Variants in DYRK1A observed in about 807,000 individuals in gnomAD.
DYRK1A encodes dual specificity tyrosine phosphorylation regulated kinase 1A, also known as dual specificity tyrosine-phosphorylation-regulated kinase 1A.
In DYRK1A, 9 loss-of-function variants were observed where a neutral mutation model predicts 79.7. The ratio of observed to expected loss-of-function variants is 0.11; its 90% CI spans 0.07 to 0.20. DYRK1A has a LOEUF of 0.20. DYRK1A is among the 10% of genes least tolerant of loss of function. The probability of loss-of-function intolerance (pLI) is 1.00; values close to 1 mark genes in which losing one functional copy is unlikely to be tolerated. For synonymous variants in DYRK1A, 349 were observed against 329.7 expected (o/e 1.06, Z -0.63); for missense variants, 622 against 956.0 (o/e 0.65, Z 4.61).
At chr21:37,454,010 C>T (rs971155938) in intron 2 of DYRK1A, among the ~76,000 whole-genome samples, 26 of 150,858 alleles carry the variant, frequency 1.7e-4, no homozygotes, top group African/African-American at 5.9e-4. Flanking sequence ...ATTTTCCCCA[C>T]TGTTGTCCCT....
chr21:37,432,756 A>T (rs1174162610), intron 2 of DYRK1A, among the ~76,000 whole-genome samples: 1 of 151,890 alleles, frequency 6.6e-6, no homozygotes, highest in African/African-American at 2.4e-5. Context: ...AACTGCAGAT[A>T]AAAAAAAGTT....
rs1602419140 is a variant in DYRK1A, at chr21:37,406,125, T to A, written c.-76-14174T>A. 3.9e-5 allele frequency among the ~76,000 whole-genome samples: 6 copies of A among 152,236 alleles called. No homozygotes were observed. In the South Asian group the frequency reaches 1.2e-3, roughly 32 times the overall value. The stretch of plus-strand genomic sequence containing the variant: ...TGTGGCTACATCCAGTTGTAATTGT[T>A]CAGTACAACACATCAGGTGTTTGAA... On this transcript the variant is annotated intron_variant, in intron 1 of 11. Coordinates refer to ENST00000647188, the MANE Select transcript of DYRK1A (RefSeq NM_001347721.2).
chr21:37,493,710 A>T (rs1484018722), intron 8 of DYRK1A, among the ~76,000 whole-genome samples: 2 of 152,152 alleles, frequency 1.3e-5, no homozygotes, highest in Non-Finnish European at 2.9e-5. Context: ...ACAGGCCTTA[A>T]CTTCCCTGCA....
chr21:37,479,619 G>GTTTTTTTTTTTTTTTTTTGTTTTTTTTT (rs565080496), intron 4 of DYRK1A, among the ~76,000 whole-genome samples: 1 of 73,898 alleles, frequency 1.4e-5, no homozygotes. Context: ...TTTGTTTTTT[G>GTTTTTTTTTTTTTTTTTTGTTTTTTTTT]TTTTTTTTTT....
At chr21:37,401,824 A>C (rs1569294080) in intron 1 of DYRK1A, among the ~76,000 whole-genome samples, 2 of 152,112 alleles carry the variant, frequency 1.3e-5, no homozygotes, top group Non-Finnish European at 1.5e-5. Context: ...TCTCTTTTGT[A>C]ATGAAAGGTT....
intron 2 of DYRK1A, among the ~76,000 whole-genome samples, chr21:37,440,557 G>C (rs567238597): frequency 4.6e-5 from 7 of 152,234 alleles, no homozygotes; most frequent in Admixed American, 3.3e-4. Context: ...TGTCTTAGCT[G>C]TATCAAAAAT....
At chr21:37,385,598 G>A (rs1310622994) in intron 1 of DYRK1A, among the ~76,000 whole-genome samples, 1 of 152,162 alleles carries the variant, frequency 6.6e-6, no homozygotes, top group Admixed American at 6.5e-5. Flanking sequence ...ACAAGTCACA[G>A]GTACTGCCCA....
At chr21:37,448,080 G>A (rs1053361101) in intron 2 of DYRK1A, among the ~76,000 whole-genome samples, 2 of 152,042 alleles carry the variant, frequency 1.3e-5, no homozygotes, top group Non-Finnish European at 2.9e-5. Context: ...CTATATTTTA[G>A]ACCATCTTTT....
chr21:37,518,584 G>T lies in DYRK1A; in HGVS notation c.*6053G>T, dbSNP rs551453802. ...AGGACTCTGGCAAGAAGAGGCGTGT[G>T]GCTAATATGACGGAAGTCTGAATCC... On this transcript the variant is annotated 3_prime_UTR_variant, in exon 12 of 12. Transcript: ENST00000647188. The T allele has an allele frequency of 6.6e-6, 1 of 151,840 alleles. No individual in the cohort carries two copies. The highest frequency in any genetic ancestry group is 1.5e-5 in the Non-Finnish European group (1 of 68,024). The allele number at this position is 151,840 out of a possible 1,614,324, so 9.4% of individuals were successfully genotyped here. A position where few individuals can be genotyped will look rare whatever the true frequency, so the allele number is the denominator to read the frequency against.
rs142411533 is a variant in DYRK1A, at chr21:37,413,512, C to G, written c.-76-6787C>G. On this transcript the variant is annotated intron_variant, in intron 1 of 11. Coordinates refer to ENST00000647188, the MANE Select transcript of DYRK1A (RefSeq NM_001347721.2). ...AGCAAGGCAGTTTTCCAGTGCATTT[C>G]TTATAAGCTAGTTATGAGAAGGGCT... Among the ~76,000 whole-genome samples, 3 of 152,238 alleles carry G rather than the reference C, an allele frequency of 2.0e-5. No homozygotes were observed. In the East Asian group the frequency reaches 5.8e-4, roughly 29 times the overall value.
chr21:37,480,547 T>C, intron 4 of DYRK1A, 91 bp from the exon 5 acceptor site: 1 of 1,002,248 alleles, frequency 1.0e-6, no homozygotes, highest in South Asian at 2.1e-5. Context: ...ATGTCAACTG[T>C]AGAAAATAGG....
At chr21:37,415,984 G>T (rs1485763239) in intron 1 of DYRK1A, among the ~76,000 whole-genome samples, 1 of 152,064 alleles carries the variant, frequency 6.6e-6, no homozygotes, top group African/African-American at 2.4e-5. Flanking sequence ...ACACTTGGGG[G>T]TTCTTGCATC....
rs73398096 is a variant in DYRK1A, at chr21:37,457,391, G to A, written c.11-15293G>A. 4.5e-3 allele frequency among the ~76,000 whole-genome samples: 687 copies of A among 152,114 alleles called. 3 individuals are homozygous for A. Among genetic ancestry groups the A allele is most frequent in the African/African-American group, 0.016 (644 of 41,498 alleles). On this transcript the variant is annotated intron_variant, in intron 2 of 11. Coordinates refer to ENST00000647188, the MANE Select transcript of DYRK1A (RefSeq NM_001347721.2). ...ACCACAGGCGTGTACCACCATGATC[G>A]CCTAATTGTGTGTGTGTGTGTGTTT...
chr21:37,482,306 C>T (rs946414487), intron 5 of DYRK1A, among the ~76,000 whole-genome samples: 6 of 152,048 alleles, frequency 3.9e-5, no homozygotes, highest in African/African-American at 1.5e-4. Flanking sequence ...TTTCCCTAAG[C>T]GTCGGCCGGT....
At chr21:37,416,810 T>G (rs1203185110) in intron 1 of DYRK1A, among the ~76,000 whole-genome samples, 3 of 152,084 alleles carry the variant, frequency 2.0e-5, no homozygotes, top group Non-Finnish European at 4.4e-5. Flanking sequence ...GCACTGTATT[T>G]TATCTTTTCA....
intron 1 of DYRK1A, among the ~76,000 whole-genome samples, chr21:37,370,751 C>A (rs1199209014): frequency 6.6e-6 from 1 of 152,260 alleles, no homozygotes; most frequent in East Asian, 1.9e-4. Context: ...AACCAAGAAT[C>A]TTTACTTTCT....
chr21:37,430,522 A>G (rs796141145), intron 2 of DYRK1A: 11 of 505,198 alleles, frequency 2.2e-5, no homozygotes, highest in African/African-American at 8.4e-5. Flanking sequence ...TTGTTGCCCA[A>G]CTCAAGAGCC....
At chr21:37,479,449 G>A (rs924451457) in intron 4 of DYRK1A, among the ~76,000 whole-genome samples, 22 of 150,808 alleles carry the variant, frequency 1.5e-4, no homozygotes, top group Non-Finnish European at 3.1e-4. Flanking sequence ...TCTTAACCAC[G>A]TTATAAAGTA....
chr21:37,514,262 G>A lies in DYRK1A; in HGVS notation c.*1731G>A, dbSNP rs914925881. On this transcript the variant is annotated 3_prime_UTR_variant, in exon 12 of 12. Coordinates refer to ENST00000647188, the MANE Select transcript of DYRK1A (RefSeq NM_001347721.2). ...CAGGCTGGTATTTAACAGGTGCCTCGTGTTGAGATTACGCTGCCTTAATGT... is the reference window on the plus strand; with the variant it reads ...CAGGCTGGTATTTAACAGGTGCCTCATGTTGAGATTACGCTGCCTTAATGT... 6.6e-6 allele frequency: 1 copy of A among 152,628 alleles called. No individual in the cohort carries two copies. Among genetic ancestry groups the A allele is most frequent in the Non-Finnish European group, 1.5e-5 (1 of 68,030 alleles). 9.5% of individuals were successfully genotyped at this position (152,628 alleles called of 1,614,324 possible). A position where few individuals can be genotyped will look rare whatever the true frequency, so the allele number is the denominator to read the frequency against.
Sources: allele counts gnomAD v4.1 joint callset (sites outside exome capture counted in the v4.1 genomes callset), GRCh38; gene constraint gnomAD v4.1.1; transcripts MANE v1.5; gene names NCBI Gene and HGNC (gene_info 2026-07-23, HGNC 2026-07-21).